The following RALYL variants were observed in gnomAD, a reference collection of about 807,000 sequenced individuals.
RALYL encodes RNA-binding Raly-like protein.
In RALYL, 29 loss-of-function variants were observed where a neutral mutation model predicts 35.1. The observed-to-expected ratio is 0.83, with a 90% CI of 0.61 to 1.13. The LOEUF is 1.13. Among genes scored for constraint, RALYL ranks in the 50% most tolerant of loss-of-function variants. The pLI is 0.00. For synonymous variants in RALYL, 120 were observed against 127.6 expected, an observed-to-expected ratio of 0.94 and a Z score of 0.40; for missense variants, 359 against 360.4, an observed-to-expected ratio of 1.00 and a Z score of 0.03.
At chr8:84,778,364 C>T (rs181399502) in intron 3 of RALYL, among the ~76,000 whole-genome samples, 2 of 152,252 alleles carry the variant, frequency 1.3e-5, no homozygotes, top group South Asian at 2.1e-4. Flanking sequence ...GCCAAACAAC[C>T]TTCAATAAGG....
chr8:84,480,728 A>T (rs1189468469), intron 1 of RALYL, among the ~76,000 whole-genome samples: 1 of 152,190 alleles, frequency 6.6e-6, no homozygotes, highest in Admixed American at 6.5e-5. Flanking sequence ...CCTAGTAGAA[A>T]GTAGAAGGAC....
intron 1 of RALYL, among the ~76,000 whole-genome samples, chr8:84,298,670 G>C (rs187573689): frequency 1.5e-4 from 23 of 152,124 alleles, no homozygotes; most frequent in Admixed American, 7.2e-4. Flanking sequence ...TAGCAGTATT[G>C]ATTCTTTCTG....
At chr8:84,798,114 C>A (rs189216396) in intron 3 of RALYL, among the ~76,000 whole-genome samples, 1 of 152,262 alleles carries the variant, frequency 6.6e-6, no homozygotes, top group Non-Finnish European at 1.5e-5. Context: ...CGAACTTATT[C>A]TCTCTTATGA....
At chr8:84,810,123 G>T (rs80310423) in intron 4 of RALYL, among the ~76,000 whole-genome samples, 4 of 152,010 alleles carry the variant, frequency 2.6e-5, no homozygotes, top group Non-Finnish European at 5.9e-5. Flanking sequence ...GGCATTTAGG[G>T]CTATGAACTT....
intron 1 of RALYL, among the ~76,000 whole-genome samples, chr8:84,493,466 G>A (rs1219156426): frequency 1.3e-5 from 2 of 151,996 alleles, no homozygotes; most frequent in Non-Finnish European, 1.5e-5. Flanking sequence ...GGTATTTCTG[G>A]TTCTAAATCC....
chr8:84,247,475 T>C (rs1829339651), intron 1 of RALYL, among the ~76,000 whole-genome samples: 1 of 151,902 alleles, frequency 6.6e-6, no homozygotes, highest in Non-Finnish European at 1.5e-5. Context: ...AAATATTAGG[T>C]TTTCTTGAAG....
At chr8:84,785,440 T>C (rs1056939380) in intron 3 of RALYL, among the ~76,000 whole-genome samples, 5 of 152,200 alleles carry the variant, frequency 3.3e-5, no homozygotes, top group Non-Finnish European at 7.3e-5. Context: ...TCTTACTTTA[T>C]TTCCATTTCT....
intron 2 of RALYL, among the ~76,000 whole-genome samples, chr8:84,769,789 T>C (rs933164289): frequency 6.6e-6 from 1 of 152,288 alleles, no homozygotes; most frequent in East Asian, 1.9e-4. Context: ...TGTGAATATT[T>C]ATCAACACAT....
At chr8:84,563,104 G>A (rs566189038) in intron 2 of RALYL, among the ~76,000 whole-genome samples, 26 of 151,970 alleles carry the variant, frequency 1.7e-4, no homozygotes, top group African/African-American at 4.8e-4. Flanking sequence ...TTCTGGCTCC[G>A]AGAATATGAC....
intron 1 of RALYL, among the ~76,000 whole-genome samples, chr8:84,198,206 A>G (rs1345173310): frequency 6.6e-6 from 1 of 152,198 alleles, no homozygotes; most frequent in Non-Finnish European, 1.5e-5. Flanking sequence ...AGGAGAAAGG[A>G]CGTAACTGCT....
intron 3 of RALYL, among the ~76,000 whole-genome samples, chr8:84,779,316 C>A (rs1301046258): frequency 1.3e-5 from 2 of 152,136 alleles, no homozygotes; most frequent in African/African-American, 4.8e-5. Context: ...GTAGACAGAC[C>A]TTTCCTCTTT....
intron 3 of RALYL, among the ~76,000 whole-genome samples, chr8:84,779,931 A>G (rs1444389978): frequency 6.6e-6 from 1 of 152,250 alleles, no homozygotes; most frequent in African/African-American, 2.4e-5. Context: ...ATTTCAGCTA[A>G]TGCTAAATAG....
chr8:84,871,004 C>A (rs770853328), intron 6 of RALYL, among the ~76,000 whole-genome samples: 7 of 152,184 alleles, frequency 4.6e-5, no homozygotes, highest in African/African-American at 1.4e-4. Context: ...GCTGCCCCCC[C>A]ATTCTAAGAG....
At chr8:84,899,217 C>A (rs1274865450) in intron 8 of RALYL, among the ~76,000 whole-genome samples, 2 of 152,132 alleles carry the variant, frequency 1.3e-5, no homozygotes, top group African/African-American at 4.8e-5. Context: ...ATAAATCTGT[C>A]CCCCAACAAG....
intron 1 of RALYL, among the ~76,000 whole-genome samples, chr8:84,336,053 G>A (rs1362017786): frequency 1.3e-5 from 2 of 152,122 alleles, no homozygotes; most frequent in Non-Finnish European, 2.9e-5. Context: ...TATTCAGTGA[G>A]AATGTAAAAT....
chr8:84,318,236 G>A (rs539959811), intron 1 of RALYL, among the ~76,000 whole-genome samples: 1 of 152,318 alleles, frequency 6.6e-6, no homozygotes, highest in Non-Finnish European at 1.5e-5. Flanking sequence ...CTGCATGCCT[G>A]TGAGGCTGGG....
intron 2 of RALYL, among the ~76,000 whole-genome samples, chr8:84,736,812 T>C (rs954338586): frequency 2.6e-5 from 4 of 152,070 alleles, no homozygotes; most frequent in Non-Finnish European, 5.9e-5. Context: ...AGAACAATCA[T>C]TGTTCTTATT....
At chr8:84,747,063 CT>C (rs1024309804) in intron 2 of RALYL, among the ~76,000 whole-genome samples, 38 of 151,840 alleles carry the variant, frequency 2.5e-4, no homozygotes, top group African/African-American at 8.2e-4. Context: ...TAAAAAAAGT[CT>C]GCAAGAGATA....
At chr8:84,605,232 C>G (rs185620801) in intron 2 of RALYL, among the ~76,000 whole-genome samples, 4 of 152,118 alleles carry the variant, frequency 2.6e-5, no homozygotes, top group Admixed American at 2.6e-4. Context: ...TGAACTAAAT[C>G]AATAACTTTT....
Sources: allele counts gnomAD v4.1 joint callset (sites outside exome capture counted in the v4.1 genomes callset), GRCh38; gene constraint gnomAD v4.1.1; transcripts MANE v1.5; gene names NCBI Gene and HGNC (gene_info 2026-07-23, HGNC 2026-07-21).